Variants in SBF2 observed in about 807,000 individuals in gnomAD.
The protein encoded by SBF2 is myotubularin-related protein 13.
SBF2 carries 112 observed loss-of-function variants against 225.2 expected under a neutral mutation model. The observed-to-expected ratio is 0.50, with a 90% CI of 0.43 to 0.58. The LOEUF (loss-of-function observed/expected upper bound fraction) is 0.58, where lower values mean the gene tolerates loss of function less well. Among genes scored for constraint, SBF2 ranks in the 20% least tolerant of loss-of-function variants. The pLI, the probability that SBF2 is intolerant of heterozygous loss-of-function variation, is 0.00. For synonymous variants in SBF2, 763 were observed against 773.3 expected, an observed-to-expected ratio of 0.99 and a Z score of 0.22; for missense variants, 1,996 against 2,206.2, an observed-to-expected ratio of 0.90 and a Z score of 1.91.
chr11:9,944,436 C>T (rs1464742648), intron 16 of SBF2, among the ~76,000 whole-genome samples: 1 of 152,096 alleles, frequency 6.6e-6, no homozygotes, highest in African/African-American at 2.4e-5. Flanking sequence ...GAAAACAATA[C>T]CAAGTTGAGA....
intron 2 of SBF2, among the ~76,000 whole-genome samples, chr11:10,109,943 T>C (rs1291611173): frequency 6.6e-6 from 1 of 152,230 alleles, no homozygotes; most frequent in Non-Finnish European, 1.5e-5. Context: ...AACATGTGAA[T>C]CAATTGTTTC....
At chr11:10,209,117 G>A (rs1957844276) in intron 1 of SBF2, among the ~76,000 whole-genome samples, 2 of 152,090 alleles carry the variant, frequency 1.3e-5, no homozygotes, top group South Asian at 4.1e-4. Context: ...CATTCAATGT[G>A]TCCCTATCAA....
intron 16 of SBF2, among the ~76,000 whole-genome samples, chr11:9,941,590 C>T (rs1865255724): frequency 6.6e-6 from 1 of 152,070 alleles, no homozygotes; most frequent in Non-Finnish European, 1.5e-5. Context: ...TAGAGCTGTA[C>T]AAAAAGCATT....
intron 16 of SBF2, among the ~76,000 whole-genome samples, chr11:9,928,336 G>C (rs1864217354): frequency 6.6e-6 from 1 of 152,158 alleles, no homozygotes; most frequent in South Asian, 2.1e-4. Context: ...TGGTAAATAA[G>C]TATAAATCAA....
chr11:10,041,933 C>CA (rs756964982), intron 3 of SBF2, among the ~76,000 whole-genome samples: 5 of 151,578 alleles, frequency 3.3e-5, no homozygotes, highest in Non-Finnish European at 5.9e-5. Context: ...CCAGCACCAA[C>CA]AAAAAAAACC....
chr11:9,917,761 C>A (rs895231901), intron 16 of SBF2, among the ~76,000 whole-genome samples: 1 of 151,224 alleles, frequency 6.6e-6, no homozygotes, highest in African/African-American at 2.5e-5. Flanking sequence ...ATATAAAGCA[C>A]CACTGGAATC....
intron 17 of SBF2, among the ~76,000 whole-genome samples, chr11:9,880,105 AAAAAAAG>A (rs1374194649): frequency 1.6e-5 from 2 of 124,312 alleles, no homozygotes; most frequent in Non-Finnish European, 3.7e-5. Flanking sequence ...AAAAAAAAAA[AAAAAAAG>A]ATCTCAGGAT....
chr11:9,985,112 A>G (rs1234476251), intron 13 of SBF2, among the ~76,000 whole-genome samples: 1 of 152,216 alleles, frequency 6.6e-6, no homozygotes, highest in African/African-American at 2.4e-5. Context: ...CAATACTAAC[A>G]TTGAATGTAA....
chr11:10,275,308 G>C (rs1352551778), intron 1 of SBF2, among the ~76,000 whole-genome samples: 1 of 152,064 alleles, frequency 6.6e-6, no homozygotes, highest in Admixed American at 6.6e-5. Context: ...ATTTGTGCTT[G>C]TAACTATAAA....
At chr11:10,199,383 G>T (rs188651431) in intron 1 of SBF2, among the ~76,000 whole-genome samples, 6 of 151,788 alleles carry the variant, frequency 4.0e-5, no homozygotes. Flanking sequence ...ACATATAATG[G>T]AAAAGCTTGA....
intron 2 of SBF2, among the ~76,000 whole-genome samples, chr11:10,168,776 A>C (rs1376352611): frequency 1.3e-5 from 2 of 152,174 alleles, no homozygotes; most frequent in Non-Finnish European, 2.9e-5. Context: ...AAAATATTTA[A>C]AACAACGCAG....
intron 16 of SBF2, among the ~76,000 whole-genome samples, chr11:9,928,365 T>C (rs566789041): frequency 1.4e-4 from 21 of 152,282 alleles, no homozygotes; most frequent in African/African-American, 4.8e-4. Flanking sequence ...ATATCATCAG[T>C]CATTAGGAAA....
chr11:10,010,284 G>A (rs1948387047), intron 6 of SBF2, among the ~76,000 whole-genome samples: 1 of 152,068 alleles, frequency 6.6e-6, no homozygotes, highest in South Asian at 2.1e-4. Context: ...TGTTGCCATT[G>A]CTTTTGGTGT....
At chr11:10,055,926 T>A (rs983566040) in intron 2 of SBF2, among the ~76,000 whole-genome samples, 4 of 151,808 alleles carry the variant, frequency 2.6e-5, no homozygotes, top group Non-Finnish European at 5.9e-5. Context: ...ACTAAAGTTA[T>A]TGAAATAAAA....
At chr11:9,904,598 G>A (rs369377169) in intron 16 of SBF2, among the ~76,000 whole-genome samples, 3 of 152,136 alleles carry the variant, frequency 2.0e-5, no homozygotes, top group Non-Finnish European at 4.4e-5. Context: ...TACTGTAAAC[G>A]TTAGAGCTAA....
chr11:10,012,994 G>C (rs898925881), intron 6 of SBF2, among the ~76,000 whole-genome samples: 1 of 152,118 alleles, frequency 6.6e-6, no homozygotes, highest in Non-Finnish European at 1.5e-5. Context: ...AAGCTTCTAC[G>C]TACTGCTGAC....
At chr11:9,828,279 A>T in intron 28 of SBF2, 2 of 1,268,628 alleles carry the variant, frequency 1.6e-6, no homozygotes, top group Non-Finnish European at 2.0e-6. Flanking sequence ...CATTACTCAA[A>T]TGACAAAAAG....
At chr11:9,787,944 T>C in intron 35 of SBF2, 1 of 608,344 alleles carries the variant, frequency 1.6e-6, no homozygotes, top group Non-Finnish European at 2.9e-6. Flanking sequence ...CAAAGATGGT[T>C]TATTAGGACC....
At chr11:9,976,936 A>AT (rs1200230473) in intron 13 of SBF2, among the ~76,000 whole-genome samples, 1 of 151,432 alleles carries the variant, frequency 6.6e-6, no homozygotes, top group Non-Finnish European at 1.5e-5. Context: ...TGCCCAGCTA[A>AT]TTTTTTTGTA....
Sources: gnomAD v4.1 joint callset for allele counts (sites outside exome capture counted in the v4.1 genomes callset) on GRCh38, gnomAD v4.1.1 for gene constraint, MANE v1.5 for transcripts, NCBI Gene and HGNC (gene_info 2026-07-23, HGNC 2026-07-21) for gene names.